GNAO1: variants seen among roughly 807,000 people sequenced by gnomAD.
The protein encoded by GNAO1 is guanine nucleotide-binding protein G(o) subunit alpha.
For missense variants in GNAO1, 166 were observed against 478.7 expected, an observed-to-expected ratio of 0.35 and a Z score of 6.10; for synonymous variants, 164 against 180.7, an observed-to-expected ratio of 0.91 and a Z score of 0.74.
In GNAO1 at chr16:56,209,606, A is replaced by G. The variant is rs143145846; in HGVS notation, c.161+16990A>G. Among the ~76,000 whole-genome samples, 259 of 152,292 alleles carry G rather than the reference A, an allele frequency of 1.7e-3. 1 individual carries two copies. Among genetic ancestry groups the G allele is most frequent in the African/African-American group, 5.8e-3 (240 of 41,554 alleles). On this transcript the variant is annotated intron_variant, in intron 2 of 8. Coordinates refer to ENST00000262493, the MANE Select transcript of GNAO1 (RefSeq NM_020988.3). Reference sequence around the variant, plus strand: ...TGAGTCTTCCTGATCCATGAGCATGATATGTTTCACCATTATTTATCATAA... The same window carrying G: ...TGAGTCTTCCTGATCCATGAGCATGGTATGTTTCACCATTATTTATCATAA...
chr16:56,330,991 A>T (rs2037683486), intron 4 of GNAO1, among the ~76,000 whole-genome samples: 1 of 152,202 alleles, frequency 6.6e-6, no homozygotes, highest in Non-Finnish European at 1.5e-5. Flanking sequence ...GGCCTGGCAC[A>T]TTTCCTGTCT....
intron 2 of GNAO1, among the ~76,000 whole-genome samples, chr16:56,247,066 G>T (rs537059951): frequency 6.6e-6 from 1 of 152,066 alleles, no homozygotes; most frequent in Non-Finnish European, 1.5e-5. Flanking sequence ...TCTTCTCCCC[G>T]CAGTCTAATC....
At chr16:56,325,175 C>G (rs1310628140) in intron 3 of GNAO1, among the ~76,000 whole-genome samples, 1 of 152,194 alleles carries the variant, frequency 6.6e-6, no homozygotes, top group African/African-American at 2.4e-5. Flanking sequence ...GAAAAATTAT[C>G]TAATAATAAT....
intron 3 of GNAO1, among the ~76,000 whole-genome samples, chr16:56,309,034 C>T (rs747925172): frequency 6.6e-6 from 1 of 152,010 alleles, no homozygotes; most frequent in Admixed American, 6.6e-5. Context: ...GAGGAAGCAG[C>T]CCTGGACTTG....
chr16:56,310,787 G>T (rs1330440070), intron 3 of GNAO1, among the ~76,000 whole-genome samples: 2 of 152,076 alleles, frequency 1.3e-5, no homozygotes, highest in Non-Finnish European at 2.9e-5. Flanking sequence ...GATGCAATAG[G>T]TTATTTCTTG....
intron 7 of GNAO1, among the ~76,000 whole-genome samples, chr16:56,353,681 C>T (rs1234395672): frequency 6.6e-6 from 1 of 152,212 alleles, no homozygotes; most frequent in Non-Finnish European, 1.5e-5. Context: ...GTGCCCAGTT[C>T]GGCTCTCTCC....
At chr16:56,344,729 G>A (rs1370889310) in intron 6 of GNAO1, 9 of 985,418 alleles carry the variant, frequency 9.1e-6, no homozygotes, top group Middle Eastern at 5.2e-4. Context: ...CCCAGTCCTC[G>A]CAGGCCAAAG....
At chr16:56,289,034 G>GC (rs66971439) in intron 3 of GNAO1, among the ~76,000 whole-genome samples, 38 of 73,206 alleles carry the variant, frequency 5.2e-4, no homozygotes, top group Middle Eastern at 8.3e-3. Flanking sequence ...ATCCAAAAAA[G>GC]GGGGGGGGAG....
chr16:56,231,818 A>T (rs2036590907), intron 2 of GNAO1, among the ~76,000 whole-genome samples: 1 of 151,856 alleles, frequency 6.6e-6, no homozygotes, highest in Non-Finnish European at 1.5e-5. Context: ...AGGGCCCTCT[A>T]CTCCTCTGAG....
At chr16:56,341,111 C>A (rs1567491507) in intron 6 of GNAO1, 2 of 757,876 alleles carry the variant, frequency 2.6e-6, no homozygotes, top group Non-Finnish European at 4.4e-6. Context: ...CACAAACGGT[C>A]CCCCACCCTG....
chr16:56,252,342 A>G (rs1328186053), intron 2 of GNAO1, among the ~76,000 whole-genome samples: 2 of 152,216 alleles, frequency 1.3e-5, no homozygotes, highest in Admixed American at 6.5e-5. Context: ...CAGGACCCTC[A>G]GACAAGGCTA....
chr16:56,267,429 G>A (rs907295481), intron 2 of GNAO1, among the ~76,000 whole-genome samples: 8 of 152,324 alleles, frequency 5.3e-5, no homozygotes, highest in East Asian at 3.9e-4. Flanking sequence ...CGGCCAGCAC[G>A]TGAGCTGCCT....
At chr16:56,198,362 A>G (rs1256484217) in intron 2 of GNAO1, among the ~76,000 whole-genome samples, 1 of 152,244 alleles carries the variant, frequency 6.6e-6, no homozygotes, top group Non-Finnish European at 1.5e-5. Flanking sequence ...GCTGTCCAAC[A>G]GATCTGTGAT....
chr16:56,261,420 C>T (rs1008261775), intron 2 of GNAO1, among the ~76,000 whole-genome samples: 13 of 152,338 alleles, frequency 8.5e-5, no homozygotes, highest in Admixed American at 2.6e-4. Context: ...TGTCCATGCC[C>T]CTTTGTCTCT....
At chr16:56,256,254 C>T (rs1373115631) in intron 2 of GNAO1, among the ~76,000 whole-genome samples, 4 of 152,170 alleles carry the variant, frequency 2.6e-5, no homozygotes, top group African/African-American at 7.2e-5. Context: ...ACTTCCCATT[C>T]CCCTTTGGCT....
At chr16:56,346,686 A>G (rs989313359) in intron 6 of GNAO1, 1 of 985,548 alleles carries the variant, frequency 1.0e-6, no homozygotes, top group Non-Finnish European at 1.2e-6. Context: ...AGGCACAAGA[A>G]CAACACCATA....
chr16:56,200,429 G>A (rs987938840), intron 2 of GNAO1, among the ~76,000 whole-genome samples: 8 of 152,162 alleles, frequency 5.3e-5, no homozygotes, highest in Non-Finnish European at 8.8e-5. Flanking sequence ...CATGGAATGT[G>A]TTCATCATTT....
intron 2 of GNAO1, among the ~76,000 whole-genome samples, chr16:56,273,511 C>T (rs754634545): frequency 1.3e-5 from 2 of 152,150 alleles, no homozygotes; most frequent in Non-Finnish European, 2.9e-5. Flanking sequence ...TTTCTGTTGA[C>T]TGCATTTTAT....
At chr16:56,257,183 G>C (rs1025878092) in intron 2 of GNAO1, among the ~76,000 whole-genome samples, 1 of 152,012 alleles carries the variant, frequency 6.6e-6, no homozygotes, top group South Asian at 2.1e-4. Flanking sequence ...TTTGGGGGGG[G>C]GAAATTAGAA....
Sources: gnomAD v4.1 joint callset for allele counts (sites outside exome capture counted in the v4.1 genomes callset) on GRCh38, gnomAD v4.1.1 for gene constraint, MANE v1.5 for transcripts, NCBI Gene and HGNC (gene_info 2026-07-23, HGNC 2026-07-21) for gene names.